The following ANO10 variants were observed in gnomAD, a reference collection of about 807,000 sequenced individuals.
ANO10 encodes anoctamin 10, also known as anoctamin-10.
ANO10 carries 77 observed loss-of-function variants against 74.7 expected under a neutral mutation model. That is an observed-to-expected ratio of 1.03 (90% CI 0.86 to 1.25). ANO10 has a LOEUF of 1.25. ANO10 is among the 50% of genes most tolerant of loss of function. The probability of loss-of-function intolerance (pLI) is 0.00; values close to 1 mark genes in which losing one functional copy is unlikely to be tolerated. For synonymous variants in ANO10, 279 were observed against 284.9 expected, an observed-to-expected ratio of 0.98 and a Z score of 0.21; for missense variants, 721 against 778.1, an observed-to-expected ratio of 0.93 and a Z score of 0.87.
chr3:43,574,876 A>G lies in ANO10; in HGVS notation c.1163-12T>C, dbSNP rs1449976463. On this transcript the variant is annotated splice_polypyrimidine_tract_variant and intron_variant, in intron 6 of 12. Coordinates refer to ENST00000292246, the MANE Select transcript of ANO10 (RefSeq NM_018075.5). ...CAATCTGTGATTCTCTAAAACATTA[A>G]AACACACAGGTAACTTCTCAGTAAG... The G allele has an allele frequency of 1.9e-6, 3 of 1,612,400 alleles. No individual in the cohort carries two copies. In the South Asian group the frequency reaches 3.3e-5, roughly 18 times the overall value.
At chr3:43,387,400 T>G (rs2092153465) in intron 12 of ANO10, among the ~76,000 whole-genome samples, 1 of 152,066 alleles carries the variant, frequency 6.6e-6, no homozygotes, top group Non-Finnish European at 1.5e-5. Context: ...CATCTTGGGG[T>G]GCTGGGCGGC....
At chr3:43,482,042 C>T (rs1327087974) in intron 11 of ANO10, among the ~76,000 whole-genome samples, 1 of 150,906 alleles carries the variant, frequency 6.6e-6, no homozygotes, top group East Asian at 2.0e-4. Flanking sequence ...AATTCTCCTG[C>T]CTCAGCCTCC....
chr3:43,682,805 T>C (rs775458129), intron 1 of ANO10, among the ~76,000 whole-genome samples: 12 of 152,246 alleles, frequency 7.9e-5, no homozygotes, highest in South Asian at 6.2e-4. Flanking sequence ...TAATCCAGCA[T>C]ATAAACAGAA....
intron 11 of ANO10, among the ~76,000 whole-genome samples, chr3:43,439,940 CAAG>C (rs1215778361): frequency 6.6e-6 from 1 of 151,920 alleles, no homozygotes; most frequent in Non-Finnish European, 1.5e-5. Context: ...AAAATGTAAA[CAAG>C]AAGATTTTTT....
At position 43,366,555 on chromosome 3, in the gene ANO10, G is replaced by A; in HGVS notation, c.*351C>T. 5.0e-6 allele frequency: 2 copies of A among 400,432 alleles called. No individual in the cohort carries two copies. The highest frequency in any genetic ancestry group is 5.8e-5 in the East Asian group (1 of 17,114). 24.8% of individuals were successfully genotyped at this position (400,432 alleles called of 1,614,324 possible). On this transcript the variant is annotated 3_prime_UTR_variant, in exon 13 of 13. Transcript: ENST00000292246. ...GGTCCCTGGGCCATGGTGGGGTTGG[G>A]AGTGACACTGCTATGAGGGGAACGT...
chr3:43,397,790 C>T (rs560423093), intron 12 of ANO10, among the ~76,000 whole-genome samples: 242 of 152,320 alleles, frequency 1.6e-3, no homozygotes, highest in Middle Eastern at 3.4e-3. Flanking sequence ...CCTCCCCAGA[C>T]TCTGCCTCTC....
At chr3:43,558,077 A>T (rs893554999) in intron 9 of ANO10, among the ~76,000 whole-genome samples, 1 of 150,128 alleles carries the variant, frequency 6.7e-6, no homozygotes, top group Non-Finnish European at 1.5e-5. Flanking sequence ...CTGCCCTCCA[A>T]CCTGTGTGAC....
Position 43,522,273 on chromosome 3 carries a change from C to T in ANO10, c.1797+27447G>A, listed in dbSNP as rs1427185080. On this transcript the variant is annotated intron_variant, in intron 11 of 12. Coordinates refer to ENST00000292246, the MANE Select transcript of ANO10 (RefSeq NM_018075.5). Reference sequence around the variant, plus strand: ...ATAATTAATGTGACTAAATTACACACTCAATATAATTAAAATTGCAAATTA... The same window carrying T: ...ATAATTAATGTGACTAAATTACACATTCAATATAATTAAAATTGCAAATTA... 2.0e-5 allele frequency among the ~76,000 whole-genome samples: 3 copies of T among 151,998 alleles called. No individual in the cohort carries two copies. In the East Asian group the frequency reaches 5.8e-4, roughly 29 times the overall value.
chr3:43,668,443 T>G (rs1195108317), intron 1 of ANO10, among the ~76,000 whole-genome samples: 1 of 152,154 alleles, frequency 6.6e-6, no homozygotes, highest in Non-Finnish European at 1.5e-5. Flanking sequence ...GGTTCCATTT[T>G]TTAATTTTTG....
chr3:43,581,310 T>G (rs1402927473), intron 4 of ANO10, among the ~76,000 whole-genome samples: 1 of 152,206 alleles, frequency 6.6e-6, no homozygotes, highest in Non-Finnish European at 1.5e-5. Context: ...CAAAATCAAA[T>G]TAAGACTTCC....
intron 1 of ANO10, among the ~76,000 whole-genome samples, chr3:43,685,938 G>A (rs1160131572): frequency 3.3e-5 from 5 of 152,086 alleles, no homozygotes; most frequent in Admixed American, 2.6e-4. Flanking sequence ...ATTTTGATGT[G>A]GCTAAATTAA....
intron 11 of ANO10, among the ~76,000 whole-genome samples, chr3:43,534,066 A>T (rs963456432): frequency 2.6e-5 from 4 of 152,216 alleles, no homozygotes; most frequent in African/African-American, 9.6e-5. Context: ...GTTGACTGGG[A>T]GACAGGAGAG....
chr3:43,554,632 G>T (rs902143194), intron 10 of ANO10, among the ~76,000 whole-genome samples: 1 of 152,146 alleles, frequency 6.6e-6, no homozygotes, highest in Admixed American at 6.5e-5. Context: ...ATTACTACCA[G>T]GTAGAGGTAG....
intron 7 of ANO10, 46 bp from the exon 8 acceptor site, chr3:43,565,773 A>G (rs529177172): frequency 6.6e-7 from 1 of 1,525,806 alleles, no homozygotes; most frequent in East Asian, 2.5e-5. Flanking sequence ...GCACTGCTTT[A>G]GAGTACTTTA....
intron 8 of ANO10, among the ~76,000 whole-genome samples, chr3:43,564,934 T>C (rs895068294): frequency 3.9e-5 from 6 of 152,214 alleles, no homozygotes; most frequent in African/African-American, 1.4e-4. Flanking sequence ...ATCCAACTAA[T>C]ACACTATTAC....
At chr3:43,576,643 A>C in intron 6 of ANO10, 49 bp downstream of exon 6, 1 of 1,585,174 alleles carries the variant, frequency 6.3e-7, no homozygotes, top group Non-Finnish European at 8.7e-7. Flanking sequence ...GATCTAGGCA[A>C]CATTTCTTAC....
At chr3:43,460,121 A>G (rs2075313977) in intron 11 of ANO10, among the ~76,000 whole-genome samples, 1 of 152,238 alleles carries the variant, frequency 6.6e-6, no homozygotes, top group Non-Finnish European at 1.5e-5. Flanking sequence ...ACATAGGAAA[A>G]GTCTGTAAAT....
At chr3:43,393,912 C>T (rs1202832574) in intron 12 of ANO10, among the ~76,000 whole-genome samples, 9 of 152,146 alleles carry the variant, frequency 5.9e-5, no homozygotes, top group African/African-American at 2.2e-4. Context: ...AATGGCACCT[C>T]AAGACCCCCT....
chr3:43,685,152 G>A (rs1412755449), intron 1 of ANO10, among the ~76,000 whole-genome samples: 1 of 152,190 alleles, frequency 6.6e-6, no homozygotes, highest in African/African-American at 2.4e-5. Context: ...GCCATTTGTA[G>A]TATTCGCCTT....
Sources: gnomAD v4.1 joint callset for allele counts (sites outside exome capture counted in the v4.1 genomes callset) on GRCh38, gnomAD v4.1.1 for gene constraint, MANE v1.5 for transcripts, NCBI Gene and HGNC (gene_info 2026-07-23, HGNC 2026-07-21) for gene names.